The following MYRIP variants were observed in gnomAD, a reference collection of about 807,000 sequenced individuals.
MYRIP encodes rab effector MyRIP.
A neutral mutation model predicts 98.0 loss-of-function variants in MYRIP; 49 were observed. The ratio of observed to expected loss-of-function variants is 0.50; its 90% CI spans 0.40 to 0.63. MYRIP has a LOEUF of 0.63. Ranked by LOEUF, MYRIP falls within the 30% of genes least tolerant of loss-of-function variation. MYRIP has a pLI of 0.00. For missense variants in MYRIP, 1,004 were observed against 1,058.2 expected (o/e 0.95, Z 0.71); for synonymous variants, 404 against 409.5 (o/e 0.99, Z 0.16).
At chr3:39,831,824 C>T (rs1418781982) in intron 1 of MYRIP, among the ~76,000 whole-genome samples, 1 of 152,098 alleles carries the variant, frequency 6.6e-6, no homozygotes, top group African/African-American at 2.4e-5. Context: ...ACTCAATAGC[C>T]ACCTATGGCT....
At chr3:39,833,759 G>A (rs1309143627) in intron 1 of MYRIP, among the ~76,000 whole-genome samples, 3 of 152,174 alleles carry the variant, frequency 2.0e-5, no homozygotes, top group Non-Finnish European at 4.4e-5. Context: ...GGTGGCTCAC[G>A]CCTGTAATCC....
intron 2 of MYRIP, among the ~76,000 whole-genome samples, chr3:40,024,545 T>C (rs963345451): frequency 2.0e-5 from 3 of 151,228 alleles, no homozygotes; most frequent in Middle Eastern, 3.5e-3. Flanking sequence ...TTGTGTCTCC[T>C]CTGTAGGCTA....
chr3:39,846,377 C>T (rs1019767412), intron 1 of MYRIP, among the ~76,000 whole-genome samples: 6 of 152,196 alleles, frequency 3.9e-5, no homozygotes, highest in South Asian at 4.1e-4. Flanking sequence ...TACACTCCTT[C>T]GTCTGACCCT....
At chr3:40,141,373 G>A (rs929303797) in intron 3 of MYRIP, among the ~76,000 whole-genome samples, 8 of 152,066 alleles carry the variant, frequency 5.3e-5, no homozygotes, top group African/African-American at 1.9e-4. Flanking sequence ...TTAATAGTCT[G>A]CCAATATTTT....
intron 9 of MYRIP, among the ~76,000 whole-genome samples, chr3:40,182,820 T>A (rs945330680): frequency 3.3e-5 from 5 of 152,240 alleles, no homozygotes; most frequent in African/African-American, 1.2e-4. Flanking sequence ...ATTTGGGTCC[T>A]TAGGGCTGGT....
At chr3:39,839,985 G>T (rs1357031116) in intron 1 of MYRIP, among the ~76,000 whole-genome samples, 2 of 152,170 alleles carry the variant, frequency 1.3e-5, no homozygotes, top group Admixed American at 6.6e-5. Flanking sequence ...TGTCTATTAG[G>T]GCCACTTGGT....
At chr3:40,016,428 A>G (rs920921987) in intron 2 of MYRIP, among the ~76,000 whole-genome samples, 3 of 152,054 alleles carry the variant, frequency 2.0e-5, no homozygotes, top group African/African-American at 7.2e-5. Context: ...CCTTTTCCCA[A>G]TTTGGAGGCA....
intron 2 of MYRIP, among the ~76,000 whole-genome samples, chr3:39,955,136 C>T (rs1044866120): frequency 1.3e-5 from 2 of 152,132 alleles, no homozygotes; most frequent in African/African-American, 4.8e-5. Context: ...CCCAATCTAG[C>T]AAGACAGGCC....
At chr3:39,934,677 AACAG>A (rs1490579741) in intron 2 of MYRIP, among the ~76,000 whole-genome samples, 3 of 152,196 alleles carry the variant, frequency 2.0e-5, no homozygotes, top group Non-Finnish European at 4.4e-5. Flanking sequence ...CTGGGGAAGA[AACAG>A]ACAGCAGCAG....
chr3:40,028,016 C>T (rs527808812), intron 2 of MYRIP, among the ~76,000 whole-genome samples: 1 of 152,116 alleles, frequency 6.6e-6, no homozygotes, highest in South Asian at 2.1e-4. Flanking sequence ...ATCAAAATTA[C>T]CCTCTCTTTG....
intron 2 of MYRIP, among the ~76,000 whole-genome samples, chr3:40,002,225 A>G (rs1445213747): frequency 6.6e-6 from 1 of 152,148 alleles, no homozygotes; most frequent in Admixed American, 6.5e-5. Flanking sequence ...GCCTTATTTT[A>G]AATTTTATTT....
chr3:40,122,003 T>C (rs1949415553), intron 3 of MYRIP, among the ~76,000 whole-genome samples: 1 of 152,188 alleles, frequency 6.6e-6, no homozygotes, highest in Admixed American at 6.5e-5. Context: ...ACTCACAACA[T>C]TATTTTTGTT....
chr3:39,866,990 G>A (rs1337736222), intron 1 of MYRIP, among the ~76,000 whole-genome samples: 2 of 152,136 alleles, frequency 1.3e-5, no homozygotes, highest in African/African-American at 4.8e-5. Flanking sequence ...TCATAGACCA[G>A]TGGAACAGAA....
intron 2 of MYRIP, among the ~76,000 whole-genome samples, chr3:39,928,365 A>C (rs1192347063): frequency 6.7e-6 from 1 of 148,378 alleles, no homozygotes; most frequent in Non-Finnish European, 1.5e-5. Context: ...AAGACAGTAC[A>C]AAAAAAAAAG....
At chr3:40,111,388 T>C (rs1189828647) in intron 3 of MYRIP, among the ~76,000 whole-genome samples, 1 of 152,234 alleles carries the variant, frequency 6.6e-6, no homozygotes, top group Non-Finnish European at 1.5e-5. Context: ...CAAAAACTAA[T>C]TCTTCTTGAC....
chr3:39,929,057 T>C (rs1356487363), intron 2 of MYRIP, among the ~76,000 whole-genome samples: 1 of 151,942 alleles, frequency 6.6e-6, no homozygotes, highest in East Asian at 1.9e-4. Context: ...GAAACAAACA[T>C]GGACACATAT....
At chr3:40,086,360 G>A (rs897449513) in intron 3 of MYRIP, among the ~76,000 whole-genome samples, 1 of 152,194 alleles carries the variant, frequency 6.6e-6, no homozygotes, top group African/African-American at 2.4e-5. Context: ...GCAGCCACCT[G>A]AAAACATACT....
In MYRIP at chr3:39,872,755, G is replaced by A. The variant is rs562566922; in HGVS notation, c.-30-28032G>A. On this transcript the variant is annotated intron_variant, in intron 1 of 16. Transcript: ENST00000302541. ...TCTATCATTGTTGGACATTTGGCTT[G>A]GTTCCAAGTCTTTGCTATTGTGAAT... is the stretch of plus-strand genomic sequence containing the variant. 1.6e-3 allele frequency among the ~76,000 whole-genome samples: 249 copies of A among 152,154 alleles called. 7 individuals are homozygous for A. Among genetic ancestry groups the A allele is most frequent in the Admixed American group, 0.015 (227 of 15,284 alleles).
At chr3:40,214,819 A>G (rs1306769411) in intron 11 of MYRIP, among the ~76,000 whole-genome samples, 1 of 152,098 alleles carries the variant, frequency 6.6e-6, no homozygotes, top group African/African-American at 2.4e-5. Context: ...TTTTGCCTCT[A>G]GGGACGCAGC....
Sources: gnomAD v4.1 joint callset for allele counts (sites outside exome capture counted in the v4.1 genomes callset) on GRCh38, gnomAD v4.1.1 for gene constraint, MANE v1.5 for transcripts, NCBI Gene and HGNC (gene_info 2026-07-23, HGNC 2026-07-21) for gene names.